The following TASOR variants were observed in gnomAD, a reference collection of about 807,000 sequenced individuals.
TASOR encodes protein TASOR.
Under a neutral mutation model 178.6 loss-of-function variants are expected in TASOR, and 53 were observed. The ratio of observed to expected loss-of-function variants is 0.30; its 90% CI spans 0.24 to 0.37. The LOEUF is 0.37. TASOR is among the 10% of genes least tolerant of loss of function. The pLI is 1.00. For synonymous variants in TASOR, 713 were observed against 696.2 expected (o/e 1.02, Z -0.38); for missense variants, 1,815 against 1,971.4 (o/e 0.92, Z 1.50).
At chr3:56,656,998 G>A (rs549235843) in intron 11 of TASOR, among the ~76,000 whole-genome samples, 217 of 147,640 alleles carry the variant, frequency 1.5e-3, no homozygotes, top group Admixed American at 2.5e-3. Context: ...CAACAAGAGC[G>A]AAACACCGTC....
Position 56,683,166 on chromosome 3 carries a change from G to A in TASOR, c.-160C>T. 1 of 767,102 alleles carries A rather than the reference G, an allele frequency of 1.3e-6. No individual in the cohort carries two copies. Among genetic ancestry groups the A allele is most frequent in the African/African-American group, 1.8e-5 (1 of 56,488 alleles). 47.5% of individuals were successfully genotyped at this position (767,102 alleles called of 1,614,324 possible). On this transcript the variant is annotated 5_prime_UTR_variant, in exon 1 of 24. Coordinates refer to ENST00000683822, the MANE Select transcript of TASOR (RefSeq NM_001365635.2). The stretch of plus-strand genomic sequence containing the variant: ...CGCTCCCGACCTGGCAGCCTCTTGG[G>A]GGGCCCTGTAGCGGGCACCCCAAAT...
intron 17 of TASOR, among the ~76,000 whole-genome samples, chr3:56,635,532 T>C (rs887548952): frequency 1.3e-5 from 2 of 152,218 alleles, no homozygotes; most frequent in Non-Finnish European, 2.9e-5. Context: ...TTAAGTATTT[T>C]TGGACTTCTT....
At position 56,646,818 on chromosome 3, in the gene TASOR, C is replaced by G; in HGVS notation, c.1919G>C (p.Gly640Ala). The change falls in exon 14 of 24, where the codon GGT becomes GCT. Residue 640 changes from glycine (G) to alanine (A), a missense_variant. Physicochemically the swap from Gly to Ala is moderately conservative, Grantham distance 60. This residue lies in a region of TASOR where 504 missense variants were observed against 645.3 expected (regional missense o/e 0.78). Transcript: ENST00000683822. ...QQFSPLSDYE[G>A]QEEEMNGTKM... is the part of the protein sequence containing the mutation. ...TGTACCATTCATTTCTTCTTCTTGACCTTCATAATCTGAAAGTGGACTAAA... is the reference window on the plus strand; with the variant it reads ...TGTACCATTCATTTCTTCTTCTTGAGCTTCATAATCTGAAAGTGGACTAAA... 1 of 1,611,626 alleles carries G rather than the reference C, an allele frequency of 6.2e-7. No homozygotes were observed. Among genetic ancestry groups the G allele is most frequent in the Non-Finnish European group, 8.5e-7 (1 of 1,179,512 alleles).
chr3:56,632,677 G>A (rs1284805999), intron 18 of TASOR, among the ~76,000 whole-genome samples: 2 of 152,062 alleles, frequency 1.3e-5, no homozygotes, highest in Admixed American at 6.6e-5. Context: ...TAGAGACAGG[G>A]TCTGACTCTA....
intron 5 of TASOR, among the ~76,000 whole-genome samples, chr3:56,668,879 G>A (rs1020706785): frequency 3.9e-5 from 6 of 152,142 alleles, no homozygotes; most frequent in Non-Finnish European, 7.4e-5. Context: ...AGCTATGGCA[G>A]GCAGAACTGC....
chr3:56,645,900 G>A (rs1316447547), intron 14 of TASOR, among the ~76,000 whole-genome samples: 3 of 152,208 alleles, frequency 2.0e-5, no homozygotes, highest in Admixed American at 6.5e-5. Flanking sequence ...TGTAATCCCA[G>A]CACTTTGGGA....
chr3:56,638,181 A>G lies in TASOR; in HGVS notation c.2824+525T>C, dbSNP rs185930607. 2.8e-3 allele frequency among the ~76,000 whole-genome samples: 421 copies of G among 152,214 alleles called. 1 individual carries two copies. The highest frequency in any genetic ancestry group is 4.8e-3 in the Non-Finnish European group (329 of 68,012). ...GGAGTTTGAGACCAGCCTGGCAAAC[A>G]TGGTGAAATCCCGTCTCTACTAAAA... is the stretch of plus-strand genomic sequence containing the variant. On this transcript the variant is annotated intron_variant, in intron 17 of 23. Transcript: ENST00000683822.
chr3:56,648,344 TC>T (rs1353966860), intron 13 of TASOR, among the ~76,000 whole-genome samples: 2 of 151,658 alleles, frequency 1.3e-5, no homozygotes, highest in Non-Finnish European at 2.9e-5. Context: ...AAAAAAATCG[TC>T]AGCCAGGCAC....
At chr3:56,663,028 A>G (rs1342517655) in intron 8 of TASOR, among the ~76,000 whole-genome samples, 1 of 152,078 alleles carries the variant, frequency 6.6e-6, no homozygotes. Flanking sequence ...AAAATACAAA[A>G]AATTAGCCGG....
At position 56,628,554 on chromosome 3, in the gene TASOR, ATCT is replaced by A. The variant is rs767513707; in HGVS notation, c.3805_3807del (p.Arg1269del). 7 of 1,600,174 alleles carry A rather than the reference ATCT, an allele frequency of 4.4e-6. No individual in the cohort carries two copies. Among genetic ancestry groups the A allele is most frequent in the Non-Finnish European group, 6.0e-6 (7 of 1,169,478 alleles). ...ATAATCAATAGTTTATCTAATTTTG[ATCT>A]TCTTTCCAAAAACTGTTCAGGATGA... On this transcript the variant is annotated inframe_deletion, in exon 19 of 24. Transcript: ENST00000683822.
chr3:56,642,913 T>G (rs9827937), intron 14 of TASOR, among the ~76,000 whole-genome samples: 1 of 151,812 alleles, frequency 6.6e-6, no homozygotes, highest in Non-Finnish European at 1.5e-5. Flanking sequence ...GAGGCGGAGG[T>G]TGCGGTGAGC....
chr3:56,662,630 T>A, intron 8 of TASOR, 140 bp from the exon 9 acceptor site: 1 of 516,894 alleles, frequency 1.9e-6, no homozygotes, highest in Non-Finnish European at 3.5e-6. Context: ...CAGTGACTCT[T>A]CTACACTTCT....
chr3:56,627,856 G>A, intron 19 of TASOR, 115 bp from the exon 20 acceptor site: 1 of 848,842 alleles, frequency 1.2e-6, no homozygotes, highest in Non-Finnish European at 1.8e-6. Flanking sequence ...ATCTATATTA[G>A]TGGATTACCT....
At chr3:56,665,167 G>C (rs917336819) in intron 7 of TASOR, among the ~76,000 whole-genome samples, 1 of 151,144 alleles carries the variant, frequency 6.6e-6, no homozygotes. Context: ...TGTCTCTAAA[G>C]AGGAAAAAAA....
At chr3:56,643,489 ATGGTGGCTCACGCC>A (rs2077170124) in intron 14 of TASOR, among the ~76,000 whole-genome samples, 1 of 151,996 alleles carries the variant, frequency 6.6e-6, no homozygotes, top group Non-Finnish European at 1.5e-5. Flanking sequence ...ATGGCTGGGC[ATGGTGGCTCACGCC>A]TGTAATCCCA....
At chr3:56,671,778 T>A (rs1578291631) in intron 2 of TASOR, 86 bp from the exon 3 acceptor site, 3 of 994,746 alleles carry the variant, frequency 3.0e-6, no homozygotes, top group Non-Finnish European at 4.5e-6. Context: ...CCAAGAAATC[T>A]CACACCTACC....
intron 22 of TASOR, 29 bp from the exon 23 acceptor site, chr3:56,624,672 G>A: frequency 6.3e-7 from 1 of 1,593,782 alleles, no homozygotes; most frequent in Non-Finnish European, 8.6e-7. Context: ...TTTCATGTAT[G>A]AAACACTTCA....
At chr3:56,648,569 C>T (rs988997266) in intron 13 of TASOR, among the ~76,000 whole-genome samples, 5 of 137,050 alleles carry the variant, frequency 3.6e-5, no homozygotes, top group East Asian at 2.2e-4. Flanking sequence ...AGGTGGAGGT[C>T]GCAGTGAGCT....
At chr3:56,669,310 T>C (rs2030410700) in intron 5 of TASOR, among the ~76,000 whole-genome samples, 1 of 152,104 alleles carries the variant, frequency 6.6e-6, no homozygotes, top group Non-Finnish European at 1.5e-5. Context: ...GAGACCATCC[T>C]GGCTAACACG....
Sources: allele counts gnomAD v4.1 joint callset (sites outside exome capture counted in the v4.1 genomes callset), GRCh38; gene constraint gnomAD v4.1.1; regional missense constraint gnomAD v4.1.1; transcripts MANE v1.5; gene names NCBI Gene and HGNC (gene_info 2026-07-23, HGNC 2026-07-21).